Variants in JARID2 observed in about 807,000 individuals in gnomAD.
The protein encoded by JARID2 is jumonji and AT-rich interaction domain containing 2, also known as protein Jumonji.
JARID2 carries 21 observed loss-of-function variants against 125.6 expected under a neutral mutation model. That is an observed-to-expected ratio of 0.17 (90% CI 0.12 to 0.24). The LOEUF is 0.24. JARID2 is among the 10% of genes least tolerant of loss of function. The probability of loss-of-function intolerance (pLI) is 1.00; values close to 1 mark genes in which losing one functional copy is unlikely to be tolerated. For missense variants in JARID2, 1,303 were observed against 1,639.6 expected (o/e 0.79, Z 3.55); for synonymous variants, 736 against 661.6 (o/e 1.11, Z -1.73).
chr6:15,446,851 TGGAGGTGGCGTGGCA>T, intron 3 of JARID2, among the ~76,000 whole-genome samples: 1 of 152,264 alleles, frequency 6.6e-6, no homozygotes, highest in South Asian at 2.1e-4. Flanking sequence ...ACCTGCCACG[TGGAGGTGGCGTGGCA>T]TGACAGAGAC....
intron 1 of JARID2, among the ~76,000 whole-genome samples, chr6:15,322,029 T>C (rs558910825): frequency 1.1e-4 from 16 of 152,126 alleles, no homozygotes; most frequent in African/African-American, 3.9e-4. Context: ...CTGACTTCGT[T>C]GTTCGCCTGC....
Position 15,428,931 on chromosome 6 carries a change from C to CCA in JARID2, c.323+18567_323+18568insAC, listed in dbSNP as rs778834021. On this transcript the variant is annotated intron_variant, in intron 3 of 17. Transcript: ENST00000341776. The stretch of plus-strand genomic sequence containing the variant: ...AAAAAAACAACAAAAAAAAAACAAA[C>CCA]CCCCCCCCCAAAAAAAAAAAAAACT... Among the ~76,000 whole-genome samples the CCA allele has an allele frequency of 5.3e-4, 29 of 54,316 alleles. 1 individual carries two copies. The highest frequency in any genetic ancestry group is 5.1e-3 in the South Asian group (7 of 1,386). The allele number at this position is 54,316 out of a possible 152,430, so 35.6% of individuals were successfully genotyped here. A position where few individuals can be genotyped will look rare whatever the true frequency, so the allele number is the denominator to read the frequency against.
chr6:15,340,407 A>C (rs1763028099), intron 1 of JARID2, among the ~76,000 whole-genome samples: 1 of 152,190 alleles, frequency 6.6e-6, no homozygotes, highest in African/African-American at 2.4e-5. Context: ...ATACTTTGTC[A>C]TTAGTTGGGT....
intron 4 of JARID2, among the ~76,000 whole-genome samples, chr6:15,455,444 A>G (rs1488096285): frequency 6.6e-6 from 1 of 152,182 alleles, no homozygotes; most frequent in African/African-American, 2.4e-5. Flanking sequence ...GGCATCCTAC[A>G]GTGGGATATA....
chr6:15,407,098 A>G (rs1220419198), intron 2 of JARID2, among the ~76,000 whole-genome samples: 2 of 152,122 alleles, frequency 1.3e-5, no homozygotes, highest in Non-Finnish European at 2.9e-5. Flanking sequence ...CATGTATAAA[A>G]AAAAAAGAAA....
intron 3 of JARID2, among the ~76,000 whole-genome samples, chr6:15,448,703 G>GC (rs1164473648): frequency 1.3e-5 from 2 of 152,162 alleles, no homozygotes; most frequent in Non-Finnish European, 2.9e-5. Context: ...CATGGGAAAA[G>GC]CAGGGCAGTT....
intron 2 of JARID2, among the ~76,000 whole-genome samples, chr6:15,384,744 C>T (rs1323088558): frequency 6.6e-6 from 1 of 152,098 alleles, no homozygotes. Context: ...CAGGCATGTG[C>T]CATCATGTCC....
chr6:15,378,025 C>T (rs1764434028), intron 2 of JARID2, among the ~76,000 whole-genome samples: 1 of 151,576 alleles, frequency 6.6e-6, no homozygotes, highest in Admixed American at 6.6e-5. Context: ...GCTGGGATTA[C>T]AGACACGCGC....
chr6:15,287,917 C>T (rs958891592), intron 1 of JARID2, among the ~76,000 whole-genome samples: 6 of 152,152 alleles, frequency 3.9e-5, no homozygotes, highest in African/African-American at 1.4e-4. Flanking sequence ...ACTGTTTCTG[C>T]CCCATTTACC....
intron 2 of JARID2, among the ~76,000 whole-genome samples, chr6:15,406,616 G>T (rs11961827): frequency 0.031 from 4,694 of 152,234 alleles, 238 homozygotes; most frequent in African/African-American, 0.11. Flanking sequence ...TAAGGGCCTG[G>T]AACAATGGAG....
intron 4 of JARID2, among the ~76,000 whole-genome samples, chr6:15,464,027 A>C (rs1338741059): frequency 6.6e-6 from 1 of 152,128 alleles, no homozygotes. Context: ...AATTAATTTT[A>C]GTTTCTTAGA....
intron 2 of JARID2, among the ~76,000 whole-genome samples, chr6:15,378,077 C>T (rs1421566592): frequency 2.0e-5 from 3 of 147,896 alleles, no homozygotes; most frequent in Admixed American, 1.3e-4. Flanking sequence ...TTAGTAGAGG[C>T]GGGGTTTCAC....
At chr6:15,304,138 C>G (rs989476655) in intron 1 of JARID2, among the ~76,000 whole-genome samples, 8 of 152,068 alleles carry the variant, frequency 5.3e-5, no homozygotes, top group African/African-American at 1.9e-4. Context: ...GTGATAGTGG[C>G]TACTCCCGCT....
chr6:15,463,089 A>G (rs1400402398), intron 4 of JARID2, among the ~76,000 whole-genome samples: 1 of 152,022 alleles, frequency 6.6e-6, no homozygotes, highest in African/African-American at 2.4e-5. Flanking sequence ...TTTTTTTTAC[A>G]TTTGCTAATG....
chr6:15,268,746 T>G (rs765039953), intron 1 of JARID2, among the ~76,000 whole-genome samples: 6 of 152,232 alleles, frequency 3.9e-5, no homozygotes, highest in Non-Finnish European at 8.8e-5. Flanking sequence ...TGGGAGAGCT[T>G]CTTCCTGTGC....
At chr6:15,283,484 G>GCGCCTGC in intron 1 of JARID2, among the ~76,000 whole-genome samples, 1 of 145,814 alleles carries the variant, frequency 6.9e-6, no homozygotes, top group South Asian at 2.2e-4. Context: ...GGGACTACAG[G>GCGCCTGC]CATGCACCAG....
intron 1 of JARID2, among the ~76,000 whole-genome samples, chr6:15,267,922 G>GC (rs1159983328): frequency 6.6e-6 from 1 of 152,132 alleles, no homozygotes; most frequent in Non-Finnish European, 1.5e-5. Flanking sequence ...TACATCAGCA[G>GC]CCCCCGAGGA....
intron 1 of JARID2, among the ~76,000 whole-genome samples, chr6:15,332,562 ACAG>A (rs1349896238): frequency 1.3e-5 from 2 of 152,238 alleles, no homozygotes; most frequent in African/African-American, 4.8e-5. Flanking sequence ...AAAAGCCTGT[ACAG>A]CAGCTCCAGG....
intron 1 of JARID2, among the ~76,000 whole-genome samples, chr6:15,308,031 A>G (rs1413369674): frequency 3.3e-5 from 5 of 152,194 alleles, no homozygotes; most frequent in African/African-American, 1.2e-4. Flanking sequence ...TCTAATCTTG[A>G]TGCACAGAAT....
Sources: gnomAD v4.1 joint callset for allele counts (sites outside exome capture counted in the v4.1 genomes callset) on GRCh38, gnomAD v4.1.1 for gene constraint, MANE v1.5 for transcripts, NCBI Gene and HGNC (gene_info 2026-07-23, HGNC 2026-07-21) for gene names.